Variants in RIT2 observed in about 807,000 individuals in gnomAD.
RIT2 encodes Ras like without CAAX 2.
In RIT2, 24 loss-of-function variants were observed where a neutral mutation model predicts 23.7. The ratio of observed to expected loss-of-function variants is 1.01; its 90% CI spans 0.73 to 1.43. RIT2 has a LOEUF of 1.43. RIT2 is among the 40% of genes most tolerant of loss of function. The probability of loss-of-function intolerance (pLI) is 0.00; values close to 1 mark genes in which losing one functional copy is unlikely to be tolerated. For synonymous variants in RIT2, 107 were observed against 91.1 expected, an observed-to-expected ratio of 1.17 and a Z score of -0.99; for missense variants, 236 against 266.9, an observed-to-expected ratio of 0.88 and a Z score of 0.81.
At chr18:42,873,866 G>A (rs1398592585) in intron 4 of RIT2, among the ~76,000 whole-genome samples, 1 of 152,128 alleles carries the variant, frequency 6.6e-6, no homozygotes, top group Non-Finnish European at 1.5e-5. Context: ...AGCAGAGAGA[G>A]GCTACATGGC....
At chr18:43,048,080 T>A (rs1741942056) in intron 1 of RIT2, among the ~76,000 whole-genome samples, 1 of 152,212 alleles carries the variant, frequency 6.6e-6, no homozygotes, top group Non-Finnish European at 1.5e-5. Flanking sequence ...GAAGGTATAC[T>A]GTCACAATGT....
intron 4 of RIT2, among the ~76,000 whole-genome samples, chr18:42,827,776 C>A (rs144586332): frequency 6.6e-6 from 1 of 151,772 alleles, no homozygotes; most frequent in African/African-American, 2.4e-5. Context: ...GAGGCCGAGG[C>A]GGGCGGATCA....
chr18:42,774,946 C>T (rs1567993146), intron 4 of RIT2, among the ~76,000 whole-genome samples: 1 of 152,086 alleles, frequency 6.6e-6, no homozygotes, highest in Non-Finnish European at 1.5e-5. Context: ...TTGTATTATG[C>T]TTTTGAGCAC....
At chr18:42,932,482 T>G (rs1387360513) in intron 3 of RIT2, among the ~76,000 whole-genome samples, 2 of 152,160 alleles carry the variant, frequency 1.3e-5, no homozygotes, top group Non-Finnish European at 2.9e-5. Flanking sequence ...CTATATAATC[T>G]GATATCATGC....
intron 1 of RIT2, among the ~76,000 whole-genome samples, chr18:43,103,852 C>T (rs201129167): frequency 1.4e-4 from 21 of 152,034 alleles, no homozygotes; most frequent in East Asian, 7.7e-4. Context: ...TATTTCAGGA[C>T]GGTGGTATGA....
intron 1 of RIT2, among the ~76,000 whole-genome samples, chr18:43,056,050 G>A (rs1357367814): frequency 6.6e-6 from 1 of 152,008 alleles, no homozygotes; most frequent in African/African-American, 2.4e-5. Context: ...ACATGAGAAG[G>A]TTTATGTACA....
chr18:42,786,571 A>C (rs73484678), intron 4 of RIT2, among the ~76,000 whole-genome samples: 2,430 of 152,270 alleles, frequency 0.016, 67 homozygotes, highest in African/African-American at 0.055. Context: ...GTTAGTTCAC[A>C]TAGTACAGTT....
intron 4 of RIT2, among the ~76,000 whole-genome samples, chr18:42,907,039 C>T (rs1908641301): frequency 6.6e-6 from 1 of 152,096 alleles, no homozygotes; most frequent in Admixed American, 6.6e-5. Flanking sequence ...TTATACCTCC[C>T]TCAGTGTGTG....
At chr18:42,994,338 C>A (rs990489520) in intron 2 of RIT2, among the ~76,000 whole-genome samples, 1 of 152,118 alleles carries the variant, frequency 6.6e-6, no homozygotes, top group African/African-American at 2.4e-5. Flanking sequence ...AACACACATG[C>A]TCTCCCTGCC....
chr18:42,786,036 A>C (rs1219740437), intron 4 of RIT2, among the ~76,000 whole-genome samples: 3 of 152,226 alleles, frequency 2.0e-5, no homozygotes, highest in Non-Finnish European at 4.4e-5. Flanking sequence ...CTAGATGAGT[A>C]GAACAGTAAT....
chr18:42,961,116 A>G (rs1395802286), intron 3 of RIT2, among the ~76,000 whole-genome samples: 1 of 152,206 alleles, frequency 6.6e-6, no homozygotes, highest in South Asian at 2.1e-4. Flanking sequence ...TCTGGCTTAC[A>G]GAGTTCATAC....
At chr18:43,065,218 G>GTTTTTT (rs58941113) in intron 1 of RIT2, among the ~76,000 whole-genome samples, 1 of 81,646 alleles carries the variant, frequency 1.2e-5, no homozygotes, top group Non-Finnish European at 2.4e-5. Context: ...ACTTTTTTGG[G>GTTTTTT]TTTTTTTTTT....
chr18:42,820,294 T>C (rs1049802220), intron 4 of RIT2, among the ~76,000 whole-genome samples: 11 of 151,982 alleles, frequency 7.2e-5, no homozygotes, highest in Admixed American at 3.3e-4. Context: ...GCTGTAGATA[T>C]ACAGATGAAC....
At chr18:42,816,313 A>G (rs961826834) in intron 4 of RIT2, among the ~76,000 whole-genome samples, 1 of 152,180 alleles carries the variant, frequency 6.6e-6, no homozygotes, top group South Asian at 2.1e-4. Flanking sequence ...GCCAACTCTA[A>G]CACACCATGG....
At chr18:43,054,424 AT>A (rs1004471022) in intron 1 of RIT2, among the ~76,000 whole-genome samples, 126 of 152,094 alleles carry the variant, frequency 8.3e-4, no homozygotes, top group African/African-American at 2.8e-3. Flanking sequence ...GTTGAGTAAC[AT>A]GTTTAAATAA....
At chr18:42,814,217 A>T (rs1905930805) in intron 4 of RIT2, among the ~76,000 whole-genome samples, 1 of 152,210 alleles carries the variant, frequency 6.6e-6, no homozygotes, top group South Asian at 2.1e-4. Flanking sequence ...GAAGTCTCCT[A>T]GCCTGAACTC....
At chr18:42,893,473 A>G (rs1308112360) in intron 4 of RIT2, among the ~76,000 whole-genome samples, 1 of 152,106 alleles carries the variant, frequency 6.6e-6, no homozygotes, top group Non-Finnish European at 1.5e-5. Flanking sequence ...CCTCTTTTAT[A>G]AGGGCACTCA....
chr18:43,084,972 T>A (rs991588473), intron 1 of RIT2, among the ~76,000 whole-genome samples: 2 of 151,850 alleles, frequency 1.3e-5, no homozygotes, highest in African/African-American at 4.8e-5. Flanking sequence ...TGGCCATGTG[T>A]GAGGAGCAGT....
At chr18:43,031,090 T>G (rs9961792) in intron 2 of RIT2, among the ~76,000 whole-genome samples, 145,116 of 151,270 alleles carry the variant, frequency 0.96, 69,877 homozygotes, top group East Asian at 1. Context: ...TCACCCTTGG[T>G]CTTCTGGTTC....
Sources: allele counts gnomAD v4.1 joint callset (sites outside exome capture counted in the v4.1 genomes callset), GRCh38; gene constraint gnomAD v4.1.1; transcripts MANE v1.5; gene names NCBI Gene and HGNC (gene_info 2026-07-23, HGNC 2026-07-21).